Variants in CFI observed in about 807,000 individuals in gnomAD.
CFI encodes the protein complement factor I.
CFI carries 66 observed loss-of-function variants against 78.8 expected under a neutral mutation model. The observed-to-expected ratio is 0.84, with a 90% CI of 0.69 to 1.03. The LOEUF (loss-of-function observed/expected upper bound fraction) is 1.03, where lower values mean the gene tolerates loss of function less well. CFI is among the 50% of genes least tolerant of loss of function. The pLI is 0.00. For synonymous variants in CFI, 250 were observed against 232.6 expected (o/e 1.07, Z -0.68); for missense variants, 706 against 704.5 (o/e 1.00, Z -0.02).
At position 109,749,118 on chromosome 4, in the gene CFI, GT is replaced by G. The variant is rs2126190634; in HGVS notation, c.1148+99del. 3 of 1,055,570 alleles carry G rather than the reference GT, an allele frequency of 2.8e-6. No individual in the cohort carries two copies. The East Asian group carries it at 7.1e-5, about 25-fold the overall frequency. The allele number at this position is 1,055,570 out of a possible 1,614,324, so 65.4% of individuals were successfully genotyped here. A position where few individuals can be genotyped will look rare whatever the true frequency, so the allele number is the denominator to read the frequency against. On this transcript the variant is annotated intron_variant, in intron 10 of 12. Coordinates refer to ENST00000394634, the MANE Select transcript of CFI (RefSeq NM_000204.5). ...CTTTGCAATTAATATAGTGGAGTTT[GT>G]CAGTACCTTTTTCAGATATGCTTTA...
chr4:109,792,070 C>T (rs1468933236), intron 1 of CFI, among the ~76,000 whole-genome samples: 1 of 152,082 alleles, frequency 6.6e-6, no homozygotes, highest in Admixed American at 6.6e-5. Context: ...TATTAAGACT[C>T]ATTTTGTGAC....
chr4:109,747,524 T>C (rs1453284513), intron 10 of CFI, among the ~76,000 whole-genome samples: 4 of 152,172 alleles, frequency 2.6e-5, no homozygotes, highest in Non-Finnish European at 5.9e-5. Context: ...CATGGAACAG[T>C]ATAGAGTCAC....
chr4:109,749,358 CAGAT>C (rs1334179614), intron 9 of CFI, 37 bp from the exon 10 acceptor site: 4 of 1,573,476 alleles, frequency 2.5e-6, no homozygotes, highest in Non-Finnish European at 3.5e-6. Context: ...GCCATTCTAA[CAGAT>C]AGCGATACAA....
intron 1 of CFI, among the ~76,000 whole-genome samples, chr4:109,776,218 C>T (rs1215556241): frequency 1.3e-5 from 2 of 152,066 alleles, no homozygotes; most frequent in Non-Finnish European, 2.9e-5. Flanking sequence ...AAGCTAAAAA[C>T]CTTGAAAAAA....
In CFI at chr4:109,756,961, GAAAGAAAGA is replaced by G. The variant is rs1561298059; in HGVS notation, c.904+793_904+801del. Among the ~76,000 whole-genome samples the G allele has an allele frequency of 1.1e-3, 145 of 133,202 alleles. 1 individual carries two copies. Among genetic ancestry groups the G allele is most frequent in the African/African-American group, 3.7e-3 (135 of 36,834 alleles). The allele number at this position is 133,202 out of a possible 152,430, so 87.4% of individuals were successfully genotyped here. A position where few individuals can be genotyped will look rare whatever the true frequency, so the allele number is the denominator to read the frequency against. On this transcript the variant is annotated intron_variant, in intron 7 of 12. Transcript: ENST00000394634. ...AGAAAGAAAGAAAGAAAGAAAGAAA[GAAAGAAAGA>G]AAGAAAGAAATTCTGAGGAGGATCA...
intron 1 of CFI, among the ~76,000 whole-genome samples, chr4:109,786,584 A>G (rs1396220088): frequency 6.6e-6 from 1 of 152,120 alleles, no homozygotes; most frequent in East Asian, 1.9e-4. Context: ...CAAGAAAAAC[A>G]CATGATCAGT....
At chr4:109,753,988 T>C (rs1725779041) in intron 7 of CFI, among the ~76,000 whole-genome samples, 1 of 147,156 alleles carries the variant, frequency 6.8e-6, no homozygotes, top group Admixed American at 6.9e-5. Context: ...TTAAAATATA[T>C]ATATATATAT....
Position 109,740,879 on chromosome 4 carries a change from G to A in CFI, c.*14C>T. 1 of 1,595,900 alleles carries A rather than the reference G, an allele frequency of 6.3e-7. No homozygotes were observed. The highest frequency in any genetic ancestry group is 8.6e-7 in the Non-Finnish European group (1 of 1,163,530). On this transcript the variant is annotated 3_prime_UTR_variant, in exon 13 of 13. Coordinates refer to ENST00000394634, the MANE Select transcript of CFI (RefSeq NM_000204.5). ...TGAGAGAAAAAGAATAGAATGAAGA[G>A]AGAGATCACAATTTTATACATTGTA...
At chr4:109,741,939 T>G (rs1723849804) in intron 12 of CFI, 2 of 159,732 alleles carry the variant, frequency 1.3e-5, no homozygotes, top group South Asian at 3.6e-4. Context: ...CTTAACCATG[T>G]TATCAAAGGA....
chr4:109,784,467 A>T (rs1730499158), intron 1 of CFI, among the ~76,000 whole-genome samples: 1 of 152,096 alleles, frequency 6.6e-6, no homozygotes, highest in Non-Finnish European at 1.5e-5. Context: ...AAGGAATTTT[A>T]TGTGATCTAG....
intron 1 of CFI, among the ~76,000 whole-genome samples, chr4:109,784,606 C>T (rs1730513361): frequency 6.6e-6 from 1 of 152,070 alleles, no homozygotes; most frequent in Non-Finnish European, 1.5e-5. Flanking sequence ...AGAGTCTACA[C>T]TTCTAGCATC....
intron 10 of CFI, among the ~76,000 whole-genome samples, chr4:109,746,889 T>C (rs557788996): frequency 6.6e-6 from 1 of 152,310 alleles, no homozygotes; most frequent in Non-Finnish European, 1.5e-5. Flanking sequence ...CACACACTCA[T>C]TACTCTGCCA....
Position 109,744,002 on chromosome 4 carries a change from T to C in CFI, c.1430-1407A>G, listed in dbSNP as rs570433991. ...CCTGTCTCAAAAAAAAAAATCCAGA[T>C]AAAGAATGTGATTAGCCAAATTCAA... On this transcript the variant is annotated intron_variant, in intron 11 of 12. Coordinates refer to ENST00000394634, the MANE Select transcript of CFI (RefSeq NM_000204.5). Among the ~76,000 whole-genome samples the C allele has an allele frequency of 2.6e-5, 4 of 151,542 alleles. No homozygotes were observed. In the South Asian group the frequency reaches 6.3e-4, roughly 24 times the overall value.
intron 8 of CFI, among the ~76,000 whole-genome samples, chr4:109,751,162 T>A (rs752309810): frequency 2.6e-5 from 4 of 152,158 alleles, no homozygotes; most frequent in Non-Finnish European, 4.4e-5. Flanking sequence ...CTCAGCTTCC[T>A]TAGACTTTGG....
At chr4:109,766,846 T>G (rs1727828865) in intron 1 of CFI, 22 bp from the exon 2 acceptor site, 4 of 1,613,152 alleles carry the variant, frequency 2.5e-6, no homozygotes, top group Non-Finnish European at 3.4e-6. Context: ...AAAATAAACA[T>G]TAACTTAGCA....
intron 10 of CFI, among the ~76,000 whole-genome samples, chr4:109,748,575 A>T (rs563947730): frequency 2.6e-5 from 4 of 152,176 alleles, no homozygotes; most frequent in Admixed American, 2.6e-4. Flanking sequence ...CTAAGTAGGG[A>T]AAAGGGTAAG....
chr4:109,742,891 G>A (rs1039672820), intron 11 of CFI, among the ~76,000 whole-genome samples: 1 of 152,150 alleles, frequency 6.6e-6, no homozygotes, highest in East Asian at 1.9e-4. Flanking sequence ...ACTCAGTCAG[G>A]CAATTGGATA....
At position 109,760,374 on chromosome 4, in the gene CFI, T is replaced by C. The variant is rs980139946; in HGVS notation, c.779A>G (p.Gln260Arg). 9 of 1,612,102 alleles carry C rather than the reference T, an allele frequency of 5.6e-6. 1 individual carries two copies. Among genetic ancestry groups the C allele is most frequent in the African/African-American group, 1.3e-5 (1 of 74,884 alleles). Residue 260 changes from glutamine (Q) to arginine (R), a missense_variant, in exon 6 of 13, where the codon CAA (glutamine) becomes CGA (arginine). Transcript: ENST00000394634. ...CGATTTGCAATGGAAGCCTTTGCCTTGGCATGCTGTGCAAACATAAGCAGG... is the reference window on the plus strand; with the variant it reads ...CGATTTGCAATGGAAGCCTTTGCCTCGGCATGCTGTGCAAACATAAGCAGG... ...QSDELCCKAC[Q>R]GKGFHCKSGV...
At position 109,764,624 on chromosome 4, in the gene CFI, A is replaced by G; in HGVS notation, c.395T>C (p.Val132Ala). ...TATGAACATTGTCTTATCTTGGTCC[A>G]CAAGTTTTACTTCAACTATTCCCTC... Reference protein sequence around the residue: ...DSEGIVEVKLVDQDKTMFICK... With the variant: ...DSEGIVEVKLADQDKTMFICK... Residue 132 changes from valine (V) to alanine (A), a missense_variant, in exon 3 of 13, where the codon GTG becomes GCG. By Grantham distance (64) the Val-to-Ala change is moderately conservative. Coordinates refer to ENST00000394634, the MANE Select transcript of CFI (RefSeq NM_000204.5). 1 of 1,614,108 alleles carries G rather than the reference A, an allele frequency of 6.2e-7. No homozygotes were observed. Among genetic ancestry groups the G allele is most frequent in the Non-Finnish European group, 8.5e-7 (1 of 1,179,970 alleles).
Sources: allele counts gnomAD v4.1 joint callset (sites outside exome capture counted in the v4.1 genomes callset), GRCh38; gene constraint gnomAD v4.1.1; transcripts MANE v1.5; gene names NCBI Gene and HGNC (gene_info 2026-07-23, HGNC 2026-07-21).